Variants in ATAD2 observed in about 807,000 individuals in gnomAD.
The protein encoded by ATAD2 is ATPase family AAA domain-containing protein 2.
ATAD2 carries 62 observed loss-of-function variants against 168.9 expected under a neutral mutation model. The observed-to-expected ratio is 0.37, with a 90% CI of 0.30 to 0.45. The LOEUF is 0.45. ATAD2 is among the 20% of genes least tolerant of loss of function. The pLI, the probability that ATAD2 is intolerant of heterozygous loss-of-function variation, is 1.00. For synonymous variants in ATAD2, 613 were observed against 571.6 expected (o/e 1.07, Z -1.03); for missense variants, 1,419 against 1,667.8 (o/e 0.85, Z 2.60).
intron 24 of ATAD2, among the ~76,000 whole-genome samples, chr8:123,328,795 G>GAA (rs1392225200): frequency 1.5e-4 from 17 of 116,992 alleles, no homozygotes; most frequent in African/African-American, 5.9e-4. Flanking sequence ...ATTTTATCTT[G>GAA]AAATTTTTTT....
At chr8:123,339,814 G>C (rs754326207) in intron 19 of ATAD2, among the ~76,000 whole-genome samples, 10 of 151,964 alleles carry the variant, frequency 6.6e-5, no homozygotes, top group Non-Finnish European at 1.3e-4. Context: ...AGAGATTAAG[G>C]AACTAAAAAT....
rs147431372 is a variant in ATAD2 at position 123,347,109 on chromosome 8, T to C, written c.2195A>G (p.Asn732Ser). Residue 732 changes from asparagine to serine, a missense_variant, in exon 16 of 28, where the codon AAT (asparagine) becomes AGT (serine). Coordinates refer to ENST00000287394, the MANE Select transcript of ATAD2 (RefSeq NM_014109.4). ...RVFPHAEFRT[N>S]KTLDSDISCP... ...TTTTATACCTGAGTCTAATGTTTTA[T>C]TTGTTCTGAATTCTGCATGTGGAAA... 2.5e-6 allele frequency: 4 copies of C among 1,610,164 alleles called. No individual in the cohort carries two copies. Among genetic ancestry groups the C allele is most frequent in the Admixed American group, 3.4e-5 (2 of 59,588 alleles).
chr8:123,401,039 T>C, upstream of ATAD2: 3 of 1,571,558 alleles, frequency 1.9e-6, no homozygotes, highest in Non-Finnish European at 2.6e-6. Flanking sequence ...AGCAAGCCGG[T>C]GGGCATCGTC....
rs754130548 is a variant in ATAD2 at position 123,369,094 on chromosome 8, G to A, written c.1013C>T (p.Ala338Val). ...TTTACAGTAAGGACTTCTTGGTCCT[G>A]CGGAAGATAATCGGTATCTTGGTCT... ...PARPRYRLSS[A>V]GPRSPYCKRM... The change falls in exon 8 of 28, where the codon GCA (alanine) becomes GTA (valine). Residue 338 changes from alanine (A) to valine (V), a missense_variant. Ala to Val is a moderately conservative substitution (Grantham distance 64). Coordinates refer to ENST00000287394, the MANE Select transcript of ATAD2 (RefSeq NM_014109.4). 15 of 1,596,716 alleles carry A rather than the reference G, an allele frequency of 9.4e-6. No homozygotes were observed. The highest frequency in any genetic ancestry group is 1.1e-5 in the South Asian group (1 of 88,980).
intron 21 of ATAD2, 98 bp from the exon 22 acceptor site, chr8:123,336,630 T>C: frequency 1.1e-6 from 1 of 873,192 alleles, no homozygotes; most frequent in South Asian, 2.6e-5. Flanking sequence ...AGAGAATAAA[T>C]ACGTAAGAGA....
At position 123,327,317 on chromosome 8, in the gene ATAD2, A is replaced by C. The variant is rs78296669; in HGVS notation, c.3868+873T>G. On this transcript the variant is annotated intron_variant, in intron 25 of 27. Coordinates refer to ENST00000287394, the MANE Select transcript of ATAD2 (RefSeq NM_014109.4). ...TGTACTGCTAAATAGTATTCTTTTT[A>C]AAAAGAAAATGATAAAAGAAAAATA... is the stretch of plus-strand genomic sequence containing the variant. Among the ~76,000 whole-genome samples the C allele has an allele frequency of 5.5e-3, 841 of 152,336 alleles. 2 individuals carry two copies. The highest frequency in any genetic ancestry group is 9.1e-3 in the Non-Finnish European group (621 of 68,028).
At chr8:123,326,164 G>T in intron 25 of ATAD2, 138 bp from the exon 26 acceptor site, 2 of 893,708 alleles carry the variant, frequency 2.2e-6, no homozygotes, top group Non-Finnish European at 3.3e-6. Flanking sequence ...AACTCATTCT[G>T]TTATAAGATT....
chr8:123,352,197 AG>A (rs1231308763), intron 13 of ATAD2: 4 of 153,086 alleles, frequency 2.6e-5, no homozygotes, highest in Non-Finnish European at 5.8e-5. Flanking sequence ...CCTGCTCCAA[AG>A]AGACACCTGT....
chr8:123,334,635 G>A (rs1466466292), intron 22 of ATAD2, among the ~76,000 whole-genome samples: 1 of 151,966 alleles, frequency 6.6e-6, no homozygotes. Flanking sequence ...AAAAATAAAA[G>A]AGAAGGCTAT....
intron 19 of ATAD2, among the ~76,000 whole-genome samples, chr8:123,344,299 C>A (rs1828157503): frequency 6.7e-6 from 1 of 150,372 alleles, no homozygotes; most frequent in South Asian, 2.1e-4. Context: ...ATGAATAAAG[C>A]AAATTGCAGA....
At chr8:123,401,147 G>A (rs1812991102), upstream of ATAD2, 3 of 1,140,674 alleles carry the variant, frequency 2.6e-6, no homozygotes, top group Admixed American at 1.7e-5. Context: ...GCTCCAGCAG[G>A]AGTGATGTTG....
chr8:123,384,452 T>C (rs1168789649), intron 1 of ATAD2, among the ~76,000 whole-genome samples: 1 of 152,234 alleles, frequency 6.6e-6, no homozygotes, highest in African/African-American at 2.4e-5. Context: ...TTCATGGTCA[T>C]TGATCCATCT....
intron 13 of ATAD2, among the ~76,000 whole-genome samples, chr8:123,353,479 C>T (rs1450316865): frequency 6.6e-6 from 1 of 152,158 alleles, no homozygotes; most frequent in Non-Finnish European, 1.5e-5. Context: ...ACTGTAGTCA[C>T]TATTTTTGAT....
chr8:123,382,548 T>C (rs189128853), intron 1 of ATAD2, among the ~76,000 whole-genome samples: 62 of 152,356 alleles, frequency 4.1e-4, no homozygotes, highest in South Asian at 1.2e-3. Context: ...AACTTTCATA[T>C]GTACTTTTTC....
chr8:123,367,418 A>G (rs1042626544), intron 8 of ATAD2, among the ~76,000 whole-genome samples: 2 of 152,118 alleles, frequency 1.3e-5, no homozygotes, highest in Non-Finnish European at 2.9e-5. Flanking sequence ...TTTCCTCTTA[A>G]ACAAAACAAA....
intron 13 of ATAD2, among the ~76,000 whole-genome samples, chr8:123,351,507 A>C (rs1828459052): frequency 6.6e-6 from 1 of 152,118 alleles, no homozygotes; most frequent in Non-Finnish European, 1.5e-5. Flanking sequence ...ACTATTTCAT[A>C]AGAGGCTGCA....
At chr8:123,405,708 T>C (rs1230450900) in intron 1 of ATAD2, among the ~76,000 whole-genome samples, 2 of 152,272 alleles carry the variant, frequency 1.3e-5, no homozygotes, top group Non-Finnish European at 2.9e-5. Context: ...TTAGTGATCT[T>C]TCCCTGTGAG....
At chr8:123,347,741 C>G (rs1828298699) in intron 15 of ATAD2, among the ~76,000 whole-genome samples, 1 of 152,170 alleles carries the variant, frequency 6.6e-6, no homozygotes, top group African/African-American at 2.4e-5. Flanking sequence ...TCACATAATG[C>G]TCTCCAGCCA....
Position 123,382,656 on chromosome 8 carries a change from T to G in ATAD2, c.172-1979A>C, listed in dbSNP as rs1829525582. On this transcript the variant is annotated intron_variant, in intron 1 of 27. Transcript: ENST00000287394. ...TCTAAAACCACAATGAGATACCAGC[T>G]CACACCAGTTAGAATGGTGATCATT... Among the ~76,000 whole-genome samples, 2 of 152,144 alleles carry G rather than the reference T, an allele frequency of 1.3e-5. 1 individual carries two copies. Among genetic ancestry groups the G allele is most frequent in the South Asian group, 4.1e-4 (2 of 4,832 alleles).
Sources: gnomAD v4.1 joint callset for allele counts (sites outside exome capture counted in the v4.1 genomes callset) on GRCh38, gnomAD v4.1.1 for gene constraint, MANE v1.5 for transcripts, NCBI Gene and HGNC (gene_info 2026-07-23, HGNC 2026-07-21) for gene names.